Variants in GRIP1 observed in about 807,000 individuals in gnomAD.
GRIP1 encodes glutamate receptor interacting protein 1.
Under a neutral mutation model 129.9 loss-of-function variants are expected in GRIP1, and 45 were observed. The observed-to-expected ratio is 0.35, with a 90% CI of 0.27 to 0.44. GRIP1 has a LOEUF of 0.44. Ranked by LOEUF, GRIP1 falls within the 20% of genes least tolerant of loss-of-function variation. The pLI is 1.00. For synonymous variants in GRIP1, 530 were observed against 520.8 expected (o/e 1.02, Z -0.24); for missense variants, 1,196 against 1,396.8 (o/e 0.86, Z 2.29).
rs147376061 is a variant in GRIP1, at chr12:67,015,920, A to G, written c.58+53130T>C. Among the ~76,000 whole-genome samples the G allele has an allele frequency of 2.7e-3, 404 of 152,290 alleles. 2 individuals are homozygous for G. Among genetic ancestry groups the G allele is most frequent in the African/African-American group, 9.0e-3 (376 of 41,572 alleles). On this transcript the variant is annotated intron_variant, in intron 1 of 1. Coordinates refer to the GRIP1 transcript ENST00000643019. ...AGAAATGGCCCTGCTGGTTAATGAC[A>G]AGTCCTAGCTTTGGCCCCACCTCCA...
chr12:66,558,774 T>C (rs934697514), intron 2 of GRIP1, among the ~76,000 whole-genome samples: 1 of 146,024 alleles, frequency 6.8e-6, no homozygotes, highest in Admixed American at 6.9e-5. Context: ...CTAATGCCAA[T>C]CCTGCTCAAA....
rs146928431 is a variant in GRIP1, at chr12:66,900,922, C to T, written c.58+168128G>A. On this transcript the variant is annotated intron_variant, in intron 1 of 1. Coordinates refer to the GRIP1 transcript ENST00000643019. The stretch of plus-strand genomic sequence containing the variant: ...GCTAAAAGCTAAGACAAAATACTTT[C>T]GGTCTTGGCTCTTAAATCCTGCATG... Among the ~76,000 whole-genome samples the T allele has an allele frequency of 1.1e-3, 164 of 152,258 alleles. 1 individual carries two copies. Among genetic ancestry groups the T allele is most frequent in the African/African-American group, 3.7e-3 (155 of 41,550 alleles).
chr12:66,992,012 G>C (rs1190196822), intron 1 of GRIP1, among the ~76,000 whole-genome samples: 3 of 152,158 alleles, frequency 2.0e-5, no homozygotes, highest in African/African-American at 7.2e-5. Flanking sequence ...TGGTAGTGTT[G>C]AGATACTCTT....
intron 1 of GRIP1, among the ~76,000 whole-genome samples, chr12:66,837,993 C>T (rs990333430): frequency 7.9e-5 from 12 of 152,042 alleles, no homozygotes; most frequent in South Asian, 4.1e-4. Flanking sequence ...CAGGAGTTCG[C>T]GACCAGTGTG....
At chr12:67,039,678 A>T (rs2043147553) in intron 1 of GRIP1, among the ~76,000 whole-genome samples, 1 of 152,216 alleles carries the variant, frequency 6.6e-6, no homozygotes, top group Admixed American at 6.5e-5. Flanking sequence ...TCAGAACCCT[A>T]GCTGCCTGAA....
At chr12:66,748,294 T>G (rs769642403) in intron 1 of GRIP1, among the ~76,000 whole-genome samples, 2 of 152,164 alleles carry the variant, frequency 1.3e-5, no homozygotes, top group Non-Finnish European at 2.9e-5. Flanking sequence ...TGGGATTGCA[T>G]GCGTGAGCCA....
intron 1 of GRIP1, among the ~76,000 whole-genome samples, chr12:66,693,094 A>G (rs1469531785): frequency 6.6e-6 from 1 of 152,154 alleles, no homozygotes; most frequent in Non-Finnish European, 1.5e-5. Flanking sequence ...TTGTTATAAT[A>G]GTAACCAATA....
chr12:66,512,304 A>C (rs1453695443), intron 7 of GRIP1, among the ~76,000 whole-genome samples: 2 of 152,168 alleles, frequency 1.3e-5, no homozygotes, highest in Non-Finnish European at 2.9e-5. Context: ...AGGTTGGAAC[A>C]GTTTGGAGGG....
chr12:67,059,016 G>C (rs920013025), intron 1 of GRIP1, among the ~76,000 whole-genome samples: 2 of 152,196 alleles, frequency 1.3e-5, no homozygotes, highest in Non-Finnish European at 2.9e-5. Flanking sequence ...GAGGGATTTA[G>C]AGAACATTGT....
intron 5 of GRIP1, among the ~76,000 whole-genome samples, chr12:66,524,331 T>C (rs532842503): frequency 2.6e-5 from 4 of 152,300 alleles, no homozygotes; most frequent in African/African-American, 9.6e-5. Flanking sequence ...AAACTGTCCC[T>C]CAGACTACAG....
chr12:66,985,789 T>G (rs1438155102), intron 1 of GRIP1, among the ~76,000 whole-genome samples: 2 of 152,194 alleles, frequency 1.3e-5, no homozygotes, highest in East Asian at 3.9e-4. Flanking sequence ...AAATCTTGGT[T>G]TGTTTTATCA....
chr12:66,585,100 TCC>T (rs1491576317), intron 2 of GRIP1, among the ~76,000 whole-genome samples: 37,092 of 147,500 alleles, frequency 0.25, 4,600 homozygotes, highest in Admixed American at 0.28. Flanking sequence ...TTCTTTTTTT[TCC>T]TTCTTTTTTT....
intron 1 of GRIP1, among the ~76,000 whole-genome samples, chr12:66,631,849 T>C (rs2030826152): frequency 6.6e-6 from 1 of 152,210 alleles, no homozygotes; most frequent in South Asian, 2.1e-4. Flanking sequence ...TAACACTGAA[T>C]ATGTGCCAAG....
At chr12:66,977,551 G>A (rs4129263) in intron 1 of GRIP1, among the ~76,000 whole-genome samples, 61,938 of 151,764 alleles carry the variant, frequency 0.41, 13,648 homozygotes, top group Non-Finnish European at 0.48. Flanking sequence ...AGACCCCATG[G>A]TGCCCCTTCT....
intron 1 of GRIP1, among the ~76,000 whole-genome samples, chr12:67,038,761 T>C (rs909784338): frequency 9.2e-5 from 14 of 152,208 alleles, no homozygotes; most frequent in African/African-American, 3.4e-4. Flanking sequence ...GCAGACTCTA[T>C]ACAAATCAAA....
In GRIP1 at chr12:66,539,173, T is replaced by G. The variant is rs750621046; in HGVS notation, c.323A>C (p.Asn108Thr). Residue 108 changes from asparagine (N) to threonine (T), a missense_variant, in exon 4 of 25, where the codon AAC (asparagine) becomes ACC (threonine). By Grantham distance (65) the Asn-to-Thr change is moderately conservative. This residue lies in a region of GRIP1 where 217 missense variants were observed against 224.8 expected (regional missense o/e 0.97). Coordinates refer to ENST00000359742, the MANE Select transcript of GRIP1 (RefSeq NM_001366722.1). ...CTCGTCATGGCGGAATTTGGCCAGG[T>G]TGATTCCATTCACTGCTTTGATGTA... ...GDYIKAVNGI[N>T]LAKFRHDEII... The G allele has an allele frequency of 6.2e-7, 1 of 1,614,034 alleles. No homozygotes were observed. Among genetic ancestry groups the G allele is most frequent in the Admixed American group, 1.7e-5 (1 of 60,000 alleles).
intron 1 of GRIP1, among the ~76,000 whole-genome samples, chr12:67,006,625 C>G (rs2042630960): frequency 6.6e-6 from 1 of 152,170 alleles, no homozygotes; most frequent in African/African-American, 2.4e-5. Flanking sequence ...GTCACATTGA[C>G]AGCCTTCATC....
intron 1 of GRIP1, among the ~76,000 whole-genome samples, chr12:66,923,321 G>A (rs927142670): frequency 6.6e-6 from 1 of 152,044 alleles, no homozygotes; most frequent in Non-Finnish European, 1.5e-5. Context: ...ACTCCATCTG[G>A]GCAACAGAGT....
At chr12:66,484,274 T>G (rs1170128819) in intron 7 of GRIP1, among the ~76,000 whole-genome samples, 2 of 152,242 alleles carry the variant, frequency 1.3e-5, no homozygotes, top group South Asian at 4.1e-4. Flanking sequence ...GTAAGAGTCA[T>G]GCATATTGTT....
Sources: gnomAD v4.1 joint callset for allele counts (sites outside exome capture counted in the v4.1 genomes callset) on GRCh38, gnomAD v4.1.1 for gene constraint, gnomAD v4.1.1 regional missense constraint, MANE v1.5 for transcripts, NCBI Gene and HGNC (gene_info 2026-07-23, HGNC 2026-07-21) for gene names.